MLANA: variants seen among roughly 807,000 people sequenced by gnomAD.
MLANA encodes melan-A, also known as melanoma antigen recognized by T-cells 1.
MLANA carries 21 observed loss-of-function variants against 15.7 expected under a neutral mutation model. The observed-to-expected ratio is 1.33, with a 90% CI of 0.95 to 1.92. The LOEUF is 1.92. MLANA is among the 40% of genes most tolerant of loss of function. MLANA has a pLI of 0.00. For missense variants in MLANA, 164 were observed against 143.8 expected, an observed-to-expected ratio of 1.14 and a Z score of -0.72; for synonymous variants, 56 against 51.5, an observed-to-expected ratio of 1.09 and a Z score of -0.37.
chr9:5,896,208 AC>A lies in MLANA; in HGVS notation c.78-1348del, dbSNP rs1458676697. ...CAGCATAATGTCAGCTGTAAAATGA[AC>A]ATCATTCCTAACTCCGAGGACTGTG... is the stretch of plus-strand genomic sequence containing the variant. On this transcript the variant is annotated intron_variant, in intron 2 of 4. Transcript: ENST00000381477. Among the ~76,000 whole-genome samples, 4 of 152,344 alleles carry A rather than the reference AC, an allele frequency of 2.6e-5. No homozygotes were observed. In the East Asian group the frequency reaches 7.7e-4, roughly 29 times the overall value.
intron 2 of MLANA, among the ~76,000 whole-genome samples, chr9:5,893,308 G>A (rs1831777559): frequency 6.6e-6 from 1 of 152,136 alleles, no homozygotes; most frequent in Non-Finnish European, 1.5e-5. Context: ...CAGGGGCAGG[G>A]GAGGCCCCAC....
At chr9:5,892,039 A>T (rs1055762258) in intron 1 of MLANA, among the ~76,000 whole-genome samples, 1 of 152,206 alleles carries the variant, frequency 6.6e-6, no homozygotes, top group Non-Finnish European at 1.5e-5. Flanking sequence ...GGAGAAAAAT[A>T]ACTCCTCTAA....
At position 5,907,009 on chromosome 9, in the gene MLANA, A is replaced by T. The variant is rs1832858600; in HGVS notation, c.288+11A>T. 1 of 1,536,206 alleles carries T rather than the reference A, an allele frequency of 6.5e-7. No individual in the cohort carries two copies. Among genetic ancestry groups the T allele is most frequent in the Non-Finnish European group, 8.8e-7 (1 of 1,134,418 alleles). ...AACTGTGAACCTGTGGTAGGTTAAGATCCTTCATAAGGGTATTTTCATGAA... is the reference window on the plus strand; with the variant it reads ...AACTGTGAACCTGTGGTAGGTTAAGTTCCTTCATAAGGGTATTTTCATGAA... On this transcript the variant is annotated intron_variant, in intron 4 of 4. Coordinates refer to ENST00000381477, the MANE Select transcript of MLANA (RefSeq NM_005511.2).
intron 4 of MLANA, 180 bp downstream of exon 4, chr9:5,907,178 AAAT>A (rs1239657988): frequency 3.5e-5 from 13 of 372,156 alleles, no homozygotes; most frequent in Non-Finnish European, 4.7e-5. Context: ...AATAAAAAAT[AAAT>A]AATAATAAAA....
In MLANA at chr9:5,909,189, AG is replaced by A; in HGVS notation, c.*482del. On this transcript the variant is annotated 3_prime_UTR_variant, in exon 5 of 5. Transcript: ENST00000381477. The stretch of plus-strand genomic sequence containing the variant: ...GTTGACTGGCCTATTTATCTGATCA[AG>A]AACATGTCAGCAATGTCTCTTTGTG... The A allele has an allele frequency of 6.5e-6, 1 of 155,000 alleles. No individual in the cohort carries two copies. Among genetic ancestry groups the A allele is most frequent in the East Asian group, 1.9e-4 (1 of 5,248 alleles). 9.6% of individuals were successfully genotyped at this position (155,000 alleles called of 1,614,324 possible). A position where few individuals can be genotyped will look rare whatever the true frequency, so the allele number is the denominator to read the frequency against.
At chr9:5,901,378 A>G (rs1380151303) in intron 3 of MLANA, among the ~76,000 whole-genome samples, 2 of 152,176 alleles carry the variant, frequency 1.3e-5, no homozygotes, top group Non-Finnish European at 2.9e-5. Flanking sequence ...AAACTTGAGT[A>G]AGTTTCCCTT....
rs1204831955 is a variant in MLANA at position 5,897,545 on chromosome 9, C to A, written c.78-12C>A. The A allele has an allele frequency of 1.2e-6, 2 of 1,611,672 alleles. No homozygotes were observed. The highest frequency in any genetic ancestry group is 1.7e-6 in the Non-Finnish European group (2 of 1,177,740). On this transcript the variant is annotated splice_polypyrimidine_tract_variant and intron_variant, in intron 2 of 4. Transcript: ENST00000381477. ...TCAATGACAAAGTGGATTTGTCTAT[C>A]TCTTGGGCCAGGGCCGCTGGGATCG...
chr9:5,893,335 T>TTC (rs1831780148), intron 2 of MLANA, among the ~76,000 whole-genome samples: 2 of 152,178 alleles, frequency 1.3e-5, no homozygotes, highest in South Asian at 4.1e-4. Flanking sequence ...CGTGGGACTC[T>TTC]AACAGGACAA....
At chr9:5,899,124 GTC>G (rs1358902022) in intron 3 of MLANA, 1 of 152,154 alleles carries the variant, frequency 6.6e-6, no homozygotes, top group Admixed American at 6.5e-5. Flanking sequence ...AGATCTCGCT[GTC>G]TCTCTTTCTT....
At chr9:5,903,277 G>C (rs1375670851) in intron 3 of MLANA, among the ~76,000 whole-genome samples, 1 of 152,196 alleles carries the variant, frequency 6.6e-6, no homozygotes, top group Non-Finnish European at 1.5e-5. Flanking sequence ...CTGAGCTTGA[G>C]AAGAAAGTGT....
At chr9:5,898,365 C>A (rs1832179535) in intron 3 of MLANA, among the ~76,000 whole-genome samples, 1 of 152,148 alleles carries the variant, frequency 6.6e-6, no homozygotes, top group South Asian at 2.1e-4. Flanking sequence ...ACTTTTATAA[C>A]CAACCTACTT....
chr9:5,906,329 CA>C (rs140690425), intron 3 of MLANA, among the ~76,000 whole-genome samples: 85,576 of 132,406 alleles, frequency 0.65, 26,057 homozygotes, highest in Non-Finnish European at 0.72. Flanking sequence ...GACTCTGTCT[CA>C]AAAAAAAAAA....
chr9:5,906,266 G>A (rs546187069), intron 3 of MLANA, among the ~76,000 whole-genome samples: 1 of 150,432 alleles, frequency 6.6e-6, no homozygotes, highest in Non-Finnish European at 1.5e-5. Flanking sequence ...GGACGCAGAG[G>A]TTGCAGTGAG....
At chr9:5,903,767 G>C (rs1481733557) in intron 3 of MLANA, among the ~76,000 whole-genome samples, 2 of 152,064 alleles carry the variant, frequency 1.3e-5, no homozygotes, top group Non-Finnish European at 2.9e-5. Context: ...CTTTATCCCT[G>C]ATAACTTTCC....
rs766505531 is a variant in MLANA, at chr9:5,897,623, T to C, written c.144T>C (p.Cys48=). The change falls in exon 3 of 5, where the codon TGT becomes TGC. Residue 48 remains cysteine (C), a synonymous_variant. Transcript: ENST00000381477. Reference sequence around the variant, plus strand: ...TACTGCTCATCGGCTGTTGGTATTGTAGAAGACGAAATGGATACAGAGCCT... The same window carrying C: ...TACTGCTCATCGGCTGTTGGTATTGCAGAAGACGAAATGGATACAGAGCCT... The part of the protein sequence containing the change: ...GVLLLIGCWY[C]RRRNGYRALM... The C allele has an allele frequency of 2.5e-6, 4 of 1,614,128 alleles. No individual in the cohort carries two copies. Among genetic ancestry groups the C allele is most frequent in the Admixed American group, 3.3e-5 (2 of 60,028 alleles).
rs189961084 is a variant in MLANA at position 5,909,938 on chromosome 9, T to A, written c.*1230T>A. 6.6e-6 allele frequency: 1 copy of A among 152,352 alleles called. No individual in the cohort carries two copies. The allele number at this position is 152,352 out of a possible 1,614,324, so 9.4% of individuals were successfully genotyped here. On this transcript the variant is annotated 3_prime_UTR_variant, in exon 5 of 5. Coordinates refer to ENST00000381477, the MANE Select transcript of MLANA (RefSeq NM_005511.2). ...TCTCTTTCAGGCAGCTCATTTAAAC[T>A]TTTTTTGGCTTTAATTCCTATTGCC... is the stretch of plus-strand genomic sequence containing the variant.
Position 5,906,775 on chromosome 9 carries a change from G to A in MLANA, c.175-110G>A, listed in dbSNP as rs188629810. 4.8e-5 allele frequency: 31 copies of A among 644,926 alleles called. No individual in the cohort carries two copies. The African/African-American group carries it at 4.9e-4, about 10-fold the overall frequency. The allele number at this position is 644,926 out of a possible 1,614,324, so 40.0% of individuals were successfully genotyped here. A position where few individuals can be genotyped will look rare whatever the true frequency, so the allele number is the denominator to read the frequency against. ...GACTGAAGGCACACAGCAAGTAAGT[G>A]GCAGAACCTAGATTAAAACTCATTC... On this transcript the variant is annotated intron_variant, in intron 3 of 4. Transcript: ENST00000381477.
chr9:5,895,367 G>A (rs1831943907), intron 2 of MLANA, among the ~76,000 whole-genome samples: 1 of 152,080 alleles, frequency 6.6e-6, no homozygotes, highest in Middle Eastern at 3.4e-3. Context: ...TGGAGGTAGG[G>A]GAATGGGGCC....
chr9:5,904,048 G>A (rs759438674), intron 3 of MLANA, among the ~76,000 whole-genome samples: 3 of 151,996 alleles, frequency 2.0e-5, no homozygotes, highest in Non-Finnish European at 4.4e-5. Context: ...AGCAGAGATG[G>A]GGTTTCACCA....
Sources: allele counts gnomAD v4.1 joint callset (sites outside exome capture counted in the v4.1 genomes callset), GRCh38; gene constraint gnomAD v4.1.1; transcripts MANE v1.5; gene names NCBI Gene and HGNC (gene_info 2026-07-23, HGNC 2026-07-21).